Variants in PEAK1 observed in about 807,000 individuals in gnomAD.
The protein encoded by PEAK1 is inactive tyrosine-protein kinase PEAK1.
A neutral mutation model predicts 124.7 loss-of-function variants in PEAK1; 54 were observed. That is an observed-to-expected ratio of 0.43 (90% confidence interval 0.35 to 0.54). The LOEUF is 0.54. Among genes scored for constraint, PEAK1 ranks in the 20% least tolerant of loss-of-function variants. The pLI is 0.01. For synonymous variants in PEAK1, 719 were observed against 760.0 expected, an observed-to-expected ratio of 0.95 and a Z score of 0.89; for missense variants, 2,046 against 2,134.5, an observed-to-expected ratio of 0.96 and a Z score of 0.82.
At chr15:77,129,422 A>G (rs1214406224) in intron 9 of PEAK1, among the ~76,000 whole-genome samples, 2 of 151,728 alleles carry the variant, frequency 1.3e-5, no homozygotes, top group Non-Finnish European at 2.9e-5. Flanking sequence ...TTGGCTTTCA[A>G]ATTGCTAAAT....
chr15:77,297,726 T>G lies in PEAK1; in HGVS notation c.-602-11222A>C, dbSNP rs548526860. 4.3e-3 allele frequency among the ~76,000 whole-genome samples: 598 copies of G among 138,984 alleles called. 10 individuals are homozygous for G. Among genetic ancestry groups the G allele is most frequent in the African/African-American group, 0.016 (572 of 36,152 alleles). 91.2% of individuals were successfully genotyped at this position (138,984 alleles called of 152,430 possible). A position where few individuals can be genotyped will look rare whatever the true frequency, so the allele number is the denominator to read the frequency against. On this transcript the variant is annotated intron_variant, in intron 2 of 9. Coordinates refer to ENST00000682557, the MANE Select transcript of PEAK1 (RefSeq NM_001385026.1). ...GTGAGCCAAGATGGCGCCACTGCAC[T>G]TCAGCCTGGCAACAGAGTGAGATTT... is the stretch of plus-strand genomic sequence containing the variant.
chr15:77,234,591 C>T (rs1372364287), intron 6 of PEAK1, among the ~76,000 whole-genome samples: 6 of 152,014 alleles, frequency 3.9e-5, no homozygotes. Context: ...AGTACCATTC[C>T]ACACATCTCT....
Position 77,179,637 on chromosome 15 carries a change from T to C in PEAK1, c.2290A>G (p.Ser764Gly), listed in dbSNP as rs1480945297. The change falls in exon 7 of 10, where the codon AGC (serine) becomes GGC (glycine). Residue 764 changes from serine (S) to glycine (G), a missense_variant. Transcript: ENST00000682557. Reference sequence around the variant, plus strand: ...GCCACAATCTGAGAAAGCACTGTGCTTGCTTTCTCTCTGGTGCTGCTGCTG... The same window carrying C: ...GCCACAATCTGAGAAAGCACTGTGCCTGCTTTCTCTCTGGTGCTGCTGCTG... Reference protein sequence around the residue: ...VGSSSTREKASTVLSQIVASI... With the variant: ...VGSSSTREKAGTVLSQIVASI... 6 of 1,614,152 alleles carry C rather than the reference T, an allele frequency of 3.7e-6. 1 individual carries two copies. The highest frequency in any genetic ancestry group is 2.2e-5 in the East Asian group (1 of 44,882).
At chr15:77,406,884 C>T (rs1035724847) in intron 1 of PEAK1, among the ~76,000 whole-genome samples, 1 of 152,182 alleles carries the variant, frequency 6.6e-6, no homozygotes, top group African/African-American at 2.4e-5. Flanking sequence ...TACTGTAAGG[C>T]TACAGTCACC....
At chr15:77,142,610 T>C (rs987822043) in intron 8 of PEAK1, among the ~76,000 whole-genome samples, 1 of 152,152 alleles carries the variant, frequency 6.6e-6, no homozygotes, top group Non-Finnish European at 1.5e-5. Flanking sequence ...ACCCATACAA[T>C]TGACTATTAT....
rs199808533 is a variant in PEAK1, at chr15:77,158,495, G to A, written c.3331+8C>T. ...TTTAAATACTACTTATTGGACATTT[G>A]CACTTACCTAAGTTGCTGTATGTTG... On this transcript the variant is annotated splice_region_variant and intron_variant, in intron 8 of 9. Transcript: ENST00000682557. 1,168 of 1,611,696 alleles carry A rather than the reference G, an allele frequency of 7.2e-4. No individual in the cohort carries two copies. Among genetic ancestry groups the A allele is most frequent in the Admixed American group, 1.0e-3 (62 of 60,014 alleles).
intron 1 of PEAK1, chr15:77,418,009 C>A (rs559693663): frequency 1.0e-6 from 1 of 973,916 alleles, no homozygotes; most frequent in African/African-American, 1.8e-5. Context: ...ATTCCAGGAA[C>A]ATATTTTTTA....
At chr15:77,235,640 C>T (rs2060086697) in intron 6 of PEAK1, among the ~76,000 whole-genome samples, 1 of 152,248 alleles carries the variant, frequency 6.6e-6, no homozygotes, top group African/African-American at 2.4e-5. Flanking sequence ...TTCAAGCCAG[C>T]TGCAGAAATT....
chr15:77,289,087 A>G (rs1240706601), intron 2 of PEAK1, among the ~76,000 whole-genome samples: 1 of 152,218 alleles, frequency 6.6e-6, no homozygotes. Flanking sequence ...CTTAGATACT[A>G]TAACCAATAA....
intron 2 of PEAK1, among the ~76,000 whole-genome samples, chr15:77,318,270 T>C (rs1035767033): frequency 6.6e-6 from 1 of 152,140 alleles, no homozygotes; most frequent in Non-Finnish European, 1.5e-5. Context: ...TATAATACAG[T>C]TTTGTAAGAT....
chr15:77,321,625 T>C (rs1446767167), intron 2 of PEAK1, among the ~76,000 whole-genome samples: 2 of 152,208 alleles, frequency 1.3e-5, no homozygotes, highest in Non-Finnish European at 2.9e-5. Flanking sequence ...ACTCTGATGG[T>C]AGCTTCTTTT....
intron 2 of PEAK1, among the ~76,000 whole-genome samples, chr15:77,345,615 C>T (rs2141379087): frequency 6.6e-6 from 1 of 152,294 alleles, no homozygotes; most frequent in Admixed American, 6.5e-5. Context: ...AACACTGCGG[C>T]ATACATCAAT....
intron 1 of PEAK1, among the ~76,000 whole-genome samples, chr15:77,408,070 T>G (rs151184145): frequency 7.9e-4 from 100 of 127,372 alleles, no homozygotes; most frequent in Non-Finnish European, 1.6e-3. Flanking sequence ...GATACACATA[T>G]ATACATATAT....
intron 2 of PEAK1, among the ~76,000 whole-genome samples, chr15:77,340,602 A>C (rs1195586611): frequency 9.2e-5 from 14 of 152,204 alleles, no homozygotes; most frequent in Non-Finnish European, 4.4e-5. Flanking sequence ...GAAACTATAC[A>C]ATATAAAGAG....
chr15:77,129,562 A>C (rs2052669949), intron 9 of PEAK1, among the ~76,000 whole-genome samples: 1 of 148,550 alleles, frequency 6.7e-6, no homozygotes, highest in Admixed American at 6.7e-5. Context: ...CAGCCTCCCG[A>C]GTAACTGGGA....
At chr15:77,247,995 CTTCTT>C (rs920400171) in intron 6 of PEAK1, among the ~76,000 whole-genome samples, 41 of 151,936 alleles carry the variant, frequency 2.7e-4, no homozygotes, top group African/African-American at 9.9e-4. Context: ...AGTGTTAAAT[CTTCTT>C]TTATTTCCTG....
intron 8 of PEAK1, chr15:77,157,445 G>A (rs775250548): frequency 2.0e-5 from 3 of 152,192 alleles, no homozygotes; most frequent in African/African-American, 4.8e-5. Flanking sequence ...TGGCACTCAA[G>A]GGAGACAGGT....
At chr15:77,214,624 C>CAA (rs565610333) in intron 6 of PEAK1, among the ~76,000 whole-genome samples, 25 of 108,874 alleles carry the variant, frequency 2.3e-4, no homozygotes, top group Admixed American at 2.1e-3. Context: ...ACTCTGTCTC[C>CAA]AAAAAAAAAA....
At chr15:77,381,480 A>C (rs2069477925) in intron 1 of PEAK1, 2 of 965,912 alleles carry the variant, frequency 2.1e-6, no homozygotes, top group South Asian at 9.6e-5. Flanking sequence ...TAAGAACAGT[A>C]AAGAAGAACT....
Sources: allele counts gnomAD v4.1 joint callset (sites outside exome capture counted in the v4.1 genomes callset), GRCh38; gene constraint gnomAD v4.1.1; transcripts MANE v1.5; gene names NCBI Gene and HGNC (gene_info 2026-07-23, HGNC 2026-07-21).